Variants in CNTLN observed in about 807,000 individuals in gnomAD.
CNTLN encodes the protein centlein, centrosomal protein.
A neutral mutation model predicts 180.0 loss-of-function variants in CNTLN; 212 were observed. The observed-to-expected ratio is 1.18, with a 90% CI of 1.05 to 1.32. CNTLN has a LOEUF of 1.32. Ranked by LOEUF, CNTLN falls within the 40% of genes most tolerant of loss-of-function variation. The pLI is 0.00. For synonymous variants in CNTLN, 722 were observed against 563.1 expected (o/e 1.28, Z -3.99); for missense variants, 2,095 against 1,610.9 (o/e 1.30, Z -5.14).
chr9:17,170,244 CTT>C (rs755564488), intron 2 of CNTLN, among the ~76,000 whole-genome samples: 2 of 152,094 alleles, frequency 1.3e-5, no homozygotes, highest in Non-Finnish European at 2.9e-5. Flanking sequence ...TATTCTGAAA[CTT>C]AACTAAATTT....
At chr9:17,188,755 A>G (rs1400440927) in intron 2 of CNTLN, among the ~76,000 whole-genome samples, 2 of 152,116 alleles carry the variant, frequency 1.3e-5, no homozygotes, top group African/African-American at 4.8e-5. Flanking sequence ...TTAAAAATAT[A>G]TATTCACTTT....
the CNTLN span, among the ~76,000 whole-genome samples, chr9:17,522,358 C>T: frequency 1.3e-5 from 2 of 152,160 alleles, no homozygotes; most frequent in Non-Finnish European, 2.9e-5. Context: ...GAAAAGGAGG[C>T]TCAGCCGCTA....
intron 13 of CNTLN, among the ~76,000 whole-genome samples, chr9:17,376,266 C>A (rs1239173298): frequency 3.3e-5 from 5 of 151,908 alleles, no homozygotes; most frequent in African/African-American, 1.2e-4. Context: ...AGACTTTATC[C>A]TTGGTTTACT....
At chr9:17,392,886 A>C (rs1181528681) in intron 14 of CNTLN, among the ~76,000 whole-genome samples, 2 of 151,644 alleles carry the variant, frequency 1.3e-5, no homozygotes, top group African/African-American at 4.9e-5. Flanking sequence ...TCACTATTAC[A>C]AGTAAAGTTT....
chr9:17,294,642 C>G (rs1306703685), intron 6 of CNTLN, among the ~76,000 whole-genome samples: 1 of 149,496 alleles, frequency 6.7e-6, no homozygotes, highest in Non-Finnish European at 1.5e-5. Flanking sequence ...GCACAGGGGC[C>G]ACAGGTGGAG....
intron 2 of CNTLN, among the ~76,000 whole-genome samples, chr9:17,145,588 ACTTTTT>A (rs1818401265): frequency 6.6e-6 from 1 of 152,076 alleles, no homozygotes; most frequent in Middle Eastern, 3.2e-3. Flanking sequence ...CCTTCTCTTT[ACTTTTT>A]CTTATAAAGA....
intron 12 of CNTLN, among the ~76,000 whole-genome samples, 186 bp from the exon 13 acceptor site, chr9:17,366,431 A>T (rs975737258): frequency 1.3e-5 from 2 of 152,148 alleles, no homozygotes; most frequent in Non-Finnish European, 2.9e-5. Context: ...GGTATGAGCC[A>T]CCATGCCCAG....
At chr9:17,517,108 T>A in the CNTLN span, among the ~76,000 whole-genome samples, 1 of 152,018 alleles carries the variant, frequency 6.6e-6, no homozygotes, top group Non-Finnish European at 1.5e-5. Flanking sequence ...AAATAAGGTC[T>A]TGGCCGGGCG....
intron 15 of CNTLN, among the ~76,000 whole-genome samples, chr9:17,396,097 A>G (rs1195654080): frequency 2.0e-5 from 3 of 152,236 alleles, no homozygotes; most frequent in Non-Finnish European, 1.5e-5. Context: ...TACCATGGCA[A>G]CATCAGCAAG....
chr9:17,224,323 A>G (rs1824328503), intron 2 of CNTLN, among the ~76,000 whole-genome samples: 1 of 152,076 alleles, frequency 6.6e-6, no homozygotes, highest in South Asian at 2.1e-4. Flanking sequence ...TGTGCAATAA[A>G]TACTTGAATG....
chr9:17,428,738 C>G (rs1159910000), intron 18 of CNTLN, among the ~76,000 whole-genome samples: 1 of 151,876 alleles, frequency 6.6e-6, no homozygotes, highest in Non-Finnish European at 1.5e-5. Flanking sequence ...TTCTGGTGTT[C>G]TGACTCTAAC....
At chr9:17,406,649 A>T (rs2133821895) in intron 15 of CNTLN, among the ~76,000 whole-genome samples, 1 of 151,786 alleles carries the variant, frequency 6.6e-6, no homozygotes, top group South Asian at 2.1e-4. Context: ...ACTATATCAT[A>T]TTTCAGATTT....
rs552686286 is a variant in CNTLN at position 17,498,555 on chromosome 9, G to A, written c.4120-3996G>A. On this transcript the variant is annotated intron_variant, in intron 25 of 25. Transcript: ENST00000380647. ...TCTGCCTTAAGACTACCTATAGACC[G>A]AGGCAAACTTTGTCAGATATCCCCG... Among the ~76,000 whole-genome samples, 27 of 152,252 alleles carry A rather than the reference G, an allele frequency of 1.8e-4. 1 individual carries two copies. Among genetic ancestry groups the A allele is most frequent in the Admixed American group, 1.7e-3 (26 of 15,272 alleles).
In CNTLN at chr9:17,342,400, A is replaced by G. The variant is rs202050802; in HGVS notation, c.1842A>G (p.Glu614=). 1.9e-6 allele frequency: 3 copies of G among 1,611,162 alleles called. No homozygotes were observed. The highest frequency in any genetic ancestry group is 4.5e-5 in the East Asian group (2 of 44,734). ...RQEDSDAVWN[E]LAYFKRENQE... ...AAGATTCTGACGCTGTGTGGAATGA[A>G]CTGGCATATTTCAAAAGGGAAAACC... The change falls in exon 12 of 26, where the codon GAA becomes GAG. Residue 614 remains glutamate (E), a synonymous_variant. Transcript: ENST00000380647.
intron 15 of CNTLN, among the ~76,000 whole-genome samples, chr9:17,407,478 G>A (rs1039488583): frequency 5.9e-5 from 9 of 152,184 alleles, no homozygotes; most frequent in East Asian, 3.9e-4. Flanking sequence ...TGTAAAATAC[G>A]TCACACAATA....
chr9:17,153,776 C>G (rs1001460470), intron 2 of CNTLN, among the ~76,000 whole-genome samples: 8 of 152,192 alleles, frequency 5.3e-5, no homozygotes, highest in African/African-American at 1.9e-4. Flanking sequence ...TTCTCTCCGT[C>G]ACTTTCAGGT....
rs1279356989 is a variant in CNTLN at position 17,218,473 on chromosome 9, A to G, written c.450-7730A>G. Reference sequence around the variant, plus strand: ...TTCCAGTAATTCACTATGCGTATTCATAAGAAGAAATACTTATAAAATAGT... The same window carrying G: ...TTCCAGTAATTCACTATGCGTATTCGTAAGAAGAAATACTTATAAAATAGT... On this transcript the variant is annotated intron_variant, in intron 2 of 25. Coordinates refer to ENST00000380647, the MANE Select transcript of CNTLN (RefSeq NM_017738.4). Among the ~76,000 whole-genome samples the G allele has an allele frequency of 2.0e-5, 3 of 152,220 alleles. No homozygotes were observed. In the East Asian group the frequency reaches 5.8e-4, roughly 29 times the overall value.
chr9:17,166,927 C>G (rs1157714220), intron 2 of CNTLN: 1 of 451,844 alleles, frequency 2.2e-6, no homozygotes, highest in Non-Finnish European at 4.5e-6. Context: ...AAAGATATTC[C>G]AAGGTGAAGA....
In CNTLN at chr9:17,394,935, G is replaced by T. The variant is rs369160472; in HGVS notation, c.2481G>T (p.Lys827Asn). The T allele has an allele frequency of 1.2e-6, 2 of 1,614,058 alleles. No individual in the cohort carries two copies. Among genetic ancestry groups the T allele is most frequent in the Non-Finnish European group, 1.7e-6 (2 of 1,179,960 alleles). ...ATGATTGTAAGACAACTATGACCAA[G>T]GTTAAATTTAAAGCTGCGAAGAAAA... ...GRYDCKTTMT[K>N]VKFKAAKKNC... is the part of the protein sequence containing the mutation. The change falls in exon 15 of 26, where the codon AAG becomes AAT. Residue 827 changes from lysine to asparagine, a missense_variant. By Grantham distance (94) the Lys-to-Asn change is moderately conservative (BLOSUM62 0). Coordinates refer to ENST00000380647, the MANE Select transcript of CNTLN (RefSeq NM_017738.4).
Sources: gnomAD v4.1 joint callset for allele counts (sites outside exome capture counted in the v4.1 genomes callset) on GRCh38, gnomAD v4.1.1 for gene constraint, MANE v1.5 for transcripts, NCBI Gene and HGNC (gene_info 2026-07-23, HGNC 2026-07-21) for gene names.